ELF1: variants seen among roughly 807,000 people sequenced by gnomAD.
ELF1 encodes ETS-related transcription factor Elf-1.
ELF1 carries 24 observed loss-of-function variants against 59.9 expected under a neutral mutation model. The observed-to-expected ratio is 0.40, with a 90% CI of 0.29 to 0.56. The LOEUF is 0.56. Ranked by LOEUF, ELF1 falls within the 20% of genes least tolerant of loss-of-function variation. The pLI is 0.44. For synonymous variants in ELF1, 248 were observed against 266.2 expected, an observed-to-expected ratio of 0.93 and a Z score of 0.67; for missense variants, 627 against 742.2, an observed-to-expected ratio of 0.84 and a Z score of 1.80.
chr13:41,061,113 TCCGCCAGAGGACC>T (rs1877593245), exon 1 of ELF1: 1 of 190,584 alleles, frequency 5.2e-6, no homozygotes, highest in Non-Finnish European at 1.1e-5. Context: ...TTTTTTTAAC[TCCGCCAGAGGACC>T]CCGACCCACA....
chr13:41,038,347 T>C (rs866605186), intron 1 of ELF1, among the ~76,000 whole-genome samples: 2 of 151,734 alleles, frequency 1.3e-5, no homozygotes, highest in African/African-American at 2.4e-5. Context: ...TGAAACCCCA[T>C]CTCTACAAAA....
intron 1 of ELF1, among the ~76,000 whole-genome samples, chr13:40,996,220 G>A (rs1174729032): frequency 6.6e-6 from 1 of 152,186 alleles, no homozygotes; most frequent in African/African-American, 2.4e-5. Context: ...ACTGCTGGTA[G>A]GAATGCAAAA....
chr13:40,959,037 GA>G (rs1871640476), intron 2 of ELF1, 21 bp from the exon 3 acceptor site: 1 of 1,569,574 alleles, frequency 6.4e-7, no homozygotes, highest in Non-Finnish European at 8.6e-7. Context: ...TTAGGGAGAG[GA>G]AAATGAAAAC....
At chr13:40,989,218 T>C (rs1391926181) in intron 1 of ELF1, among the ~76,000 whole-genome samples, 1 of 152,166 alleles carries the variant, frequency 6.6e-6, no homozygotes, top group Non-Finnish European at 1.5e-5. Context: ...GATTTGAACT[T>C]TCCCAAAAAA....
At chr13:40,979,088 A>C (rs2324745) in intron 2 of ELF1, among the ~76,000 whole-genome samples, 27,954 of 151,512 alleles carry the variant, frequency 0.18, 2,757 homozygotes, top group East Asian at 0.26. Context: ...CGTAACACAG[A>C]CTTGTCCATC....
Position 40,949,926 on chromosome 13 carries a change from C to G in ELF1, c.409G>C (p.Val137Leu). Residue 137 changes from valine to leucine, a missense_variant, in exon 5 of 9, where the codon GTC (valine) becomes CTC (leucine). Physicochemically the swap from Val to Leu is conservative, Grantham distance 32. Coordinates refer to ENST00000239882, the MANE Select transcript of ELF1 (RefSeq NM_172373.4). ...TCTAATGTGACGGACACATGGGTGA[C>G]TGGGGCAACAACCATGTCATCTTCA... ...SPEDDMVVAPVTHVSVTLDGI... is the reference protein window; with the variant it reads ...SPEDDMVVAPLTHVSVTLDGI... 1 of 1,613,828 alleles carries G rather than the reference C, an allele frequency of 6.2e-7. No homozygotes were observed. The highest frequency in any genetic ancestry group is 8.5e-7 in the Non-Finnish European group (1 of 1,179,886).
intron 1 of ELF1, among the ~76,000 whole-genome samples, chr13:40,987,706 G>T (rs1873634473): frequency 6.6e-6 from 1 of 152,240 alleles, no homozygotes; most frequent in Admixed American, 6.5e-5. Flanking sequence ...CAATGACGTG[G>T]TTGAATGACT....
chr13:40,961,423 G>A (rs1431781921), intron 2 of ELF1, among the ~76,000 whole-genome samples: 1 of 152,200 alleles, frequency 6.6e-6, no homozygotes, highest in Non-Finnish European at 1.5e-5. Flanking sequence ...CTGGTGGTAT[G>A]TGCCTGTAGT....
At chr13:40,953,756 C>T (rs544795325) in intron 3 of ELF1, among the ~76,000 whole-genome samples, 20 of 152,304 alleles carry the variant, frequency 1.3e-4, no homozygotes, top group African/African-American at 4.8e-4. Context: ...GTCACCCCCA[C>T]TGTGGAATAA....
At chr13:40,972,755 T>G (rs1180666354) in intron 2 of ELF1, among the ~76,000 whole-genome samples, 3 of 152,168 alleles carry the variant, frequency 2.0e-5, no homozygotes, top group African/African-American at 7.2e-5. Flanking sequence ...GTTACACAGC[T>G]AGAGCCAGGC....
chr13:40,987,093 G>A (rs113928377), intron 1 of ELF1, among the ~76,000 whole-genome samples: 4 of 149,564 alleles, frequency 2.7e-5, no homozygotes, highest in Non-Finnish European at 5.9e-5. Context: ...CCGCCACCAC[G>A]CCCGGCTAAT....
At chr13:41,018,972 T>C (rs1314713818) in intron 1 of ELF1, among the ~76,000 whole-genome samples, 3 of 152,240 alleles carry the variant, frequency 2.0e-5, no homozygotes, top group Admixed American at 2.0e-4. Flanking sequence ...AAACCTCTTT[T>C]ATTCTTAAAT....
At chr13:41,041,311 C>T (rs943613652) in intron 1 of ELF1, among the ~76,000 whole-genome samples, 12 of 149,712 alleles carry the variant, frequency 8.0e-5, no homozygotes, top group Non-Finnish European at 1.8e-4. Context: ...TATAAGCAGA[C>T]GACATTTTCA....
intron 1 of ELF1, among the ~76,000 whole-genome samples, chr13:40,990,882 CAGTGGAGAA>C (rs1873817577): frequency 6.8e-6 from 1 of 146,654 alleles, no homozygotes; most frequent in African/African-American, 2.5e-5. Context: ...TGTTACTTTA[CAGTGGAGAA>C]ACATAATAGA....
intron 3 of ELF1, among the ~76,000 whole-genome samples, chr13:40,955,682 T>G (rs1593360192): frequency 9.9e-6 from 1 of 101,238 alleles, no homozygotes; most frequent in Non-Finnish European, 2.0e-5. Context: ...GGTGGGGGAG[T>G]CAGCCCCCGG....
intron 2 of ELF1, among the ~76,000 whole-genome samples, chr13:40,975,187 G>A (rs549979279): frequency 1.2e-4 from 18 of 152,238 alleles, no homozygotes; most frequent in Non-Finnish European, 1.0e-4. Context: ...CATCACTGGC[G>A]CTGAATAAGT....
chr13:40,962,753 T>C (rs544668985), intron 2 of ELF1, among the ~76,000 whole-genome samples: 4 of 151,690 alleles, frequency 2.6e-5, no homozygotes, highest in African/African-American at 9.7e-5. Flanking sequence ...CAGCCACATG[T>C]AGCAGAAAAG....
chr13:40,963,347 A>C (rs1042975992), intron 2 of ELF1, among the ~76,000 whole-genome samples: 6 of 152,202 alleles, frequency 3.9e-5, no homozygotes, highest in African/African-American at 1.4e-4. Context: ...ATTATTTCCA[A>C]GGCTTCACCA....
At chr13:40,956,002 C>A (rs556159908) in intron 3 of ELF1, among the ~76,000 whole-genome samples, 1 of 144,204 alleles carries the variant, frequency 6.9e-6, no homozygotes, top group African/African-American at 2.5e-5. Flanking sequence ...GTGAGGGGCG[C>A]CTCTGCCTGG....
Sources: gnomAD v4.1 joint callset for allele counts (sites outside exome capture counted in the v4.1 genomes callset) on GRCh38, gnomAD v4.1.1 for gene constraint, MANE v1.5 for transcripts, NCBI Gene and HGNC (gene_info 2026-07-23, HGNC 2026-07-21) for gene names.